The following TMLHE variants were observed in gnomAD, a reference collection of about 807,000 sequenced individuals.
The protein encoded by TMLHE is trimethyllysine dioxygenase, mitochondrial.
In TMLHE, 18 loss-of-function variants were observed where a neutral mutation model predicts 25.7. That is an observed-to-expected ratio of 0.70 (90% CI 0.48 to 1.04). TMLHE has a LOEUF of 1.04. TMLHE is among the 50% of genes least tolerant of loss of function. TMLHE has a pLI of 0.00. For synonymous variants in TMLHE, 105 were observed against 97.0 expected (o/e 1.08, Z -0.49); for missense variants, 236 against 259.0 (o/e 0.91, Z 0.61).
Position 155,504,712 on chromosome X carries a change from A to G in TMLHE, c.995+2186T>C, listed in dbSNP as rs782555522. ...ACCTTAGTGAAATGAAAATGAAAAC[A>G]TATTAAAAAAAACACTTTTACATGA... On this transcript the variant is annotated intron_variant, in intron 6 of 7. Coordinates refer to ENST00000334398, the MANE Select transcript of TMLHE (RefSeq NM_018196.4). 5.4e-5 allele frequency among the ~76,000 whole-genome samples: 6 copies of G among 111,909 alleles called. No individual in the cohort carries two copies. The South Asian group carries it at 2.2e-3, about 41-fold the overall frequency.
intron 1 of TMLHE, among the ~76,000 whole-genome samples, chrX:155,590,760 CA>C (rs1316070898): frequency 1.8e-5 from 2 of 110,351 alleles, no homozygotes; most frequent in Non-Finnish European, 3.8e-5. Flanking sequence ...CTATTTAACA[CA>C]AAAAACTAGA....
chrX:155,514,133 G>A lies in TMLHE; in HGVS notation c.491C>T (p.Ser164Leu), dbSNP rs369612445. 37 of 1,209,216 alleles carry A rather than the reference G, an allele frequency of 3.1e-5. No homozygotes were observed. Among genetic ancestry groups the A allele is most frequent in the Non-Finnish European group, 4.0e-5 (36 of 894,885 alleles). Reference sequence around the variant, plus strand: ...TTCTAAGAAGCTCTGGCAATCTACCGATGGAACTTGGGCTTGCTGGTAGAT... The same window carrying A: ...TTCTAAGAAGCTCTGGCAATCTACCAATGGAACTTGGGCTTGCTGGTAGAT... The part of the protein sequence containing the change: ...AEIYQQAQVP[S>L]VDCQSFLETN... The change falls in exon 4 of 8, where the codon TCG (serine) becomes TTG (leucine). Residue 164 changes from serine to leucine, a missense_variant. Transcript: ENST00000334398.
chrX:155,585,198 C>A (rs1252968536), intron 1 of TMLHE, among the ~76,000 whole-genome samples: 3 of 111,318 alleles, frequency 2.7e-5, no homozygotes, highest in African/African-American at 9.8e-5. Context: ...AAAACATGGT[C>A]CAACTGTATG....
chrX:155,581,108 C>T (rs1364238569), intron 1 of TMLHE, among the ~76,000 whole-genome samples: 4 of 111,447 alleles, frequency 3.6e-5, no homozygotes, highest in African/African-American at 1.3e-4. Flanking sequence ...AAAAGGCCTT[C>T]AACAAAATTC....
Position 155,566,325 on chromosome X carries a change from C to A in TMLHE, c.-1-21048G>T, listed in dbSNP as rs1359105238. Among the ~76,000 whole-genome samples the A allele has an allele frequency of 6.5e-5, 4 of 61,631 alleles. 2 individuals carry two copies. Among genetic ancestry groups the A allele is most frequent in the Non-Finnish European group, 1.8e-4 (4 of 22,013 alleles). The allele number at this position is 61,631 out of a possible 115,157, so 53.5% of individuals were successfully genotyped here. A position where few individuals can be genotyped will look rare whatever the true frequency, so the allele number is the denominator to read the frequency against. On this transcript the variant is annotated intron_variant, in intron 1 of 7. Transcript: ENST00000334398. ...CCTCCAAGGGTATACTATGTTGCCA[C>A]TAGAATCATTGTATCAAAGATATAT...
At chrX:155,548,530 ATGAGG>A (rs1312323007) in intron 1 of TMLHE, among the ~76,000 whole-genome samples, 2 of 107,998 alleles carry the variant, frequency 1.9e-5, no homozygotes, top group Non-Finnish European at 3.8e-5. Context: ...GGTCAGCAGT[ATGAGG>A]CCAGCCTGAC....
At chrX:155,513,402 C>T (rs1218242669) in intron 4 of TMLHE, among the ~76,000 whole-genome samples, 3 of 111,359 alleles carry the variant, frequency 2.7e-5, no homozygotes, top group Non-Finnish European at 5.7e-5. Flanking sequence ...GTCAGTGCCT[C>T]AGCAGTAAAA....
intron 3 of TMLHE, among the ~76,000 whole-genome samples, chrX:155,523,991 A>G (rs1361676979): frequency 8.9e-6 from 1 of 112,025 alleles, no homozygotes; most frequent in Non-Finnish European, 1.9e-5. Flanking sequence ...TTGTGTGTTG[A>G]TCTTGTGTCC....
At position 155,563,247 on chromosome X, in the gene TMLHE, G is replaced by A. The variant is rs1239737411; in HGVS notation, c.-1-17970C>T. ...GTTCTGCATGGCTGCAAGGCCTCAT[G>A]AAACTTAAAATTATGGCAGAAGGTA... is the stretch of plus-strand genomic sequence containing the variant. On this transcript the variant is annotated intron_variant, in intron 1 of 7. Transcript: ENST00000334398. Among the ~76,000 whole-genome samples, 27 of 62,762 alleles carry A rather than the reference G, an allele frequency of 4.3e-4. 4 individuals are homozygous for A. Among genetic ancestry groups the A allele is most frequent in the Admixed American group, 1.1e-3 (6 of 5,379 alleles). The allele number at this position is 62,762 out of a possible 115,157, so 54.5% of individuals were successfully genotyped here.
At position 155,514,077 on chromosome X, in the gene TMLHE, T is replaced by G; in HGVS notation, c.547A>C (p.Asn183His). ...TNEGLKKFLQ[N>H]FLLYGIAFVE... ...AATGCAATTCCATAGAGCAGAAAGT[T>G]TTGCAGAAACTTCTTCAGTCCCTCG... The change falls in exon 4 of 8, where the codon AAC (asparagine) becomes CAC (histidine). Residue 183 changes from asparagine (N) to histidine (H), a missense_variant. This residue lies in a region of TMLHE where 217 missense variants were observed against 214.6 expected (regional missense o/e 1.01). Transcript: ENST00000334398. 2 of 1,211,237 alleles carry G rather than the reference T, an allele frequency of 1.7e-6. No individual in the cohort carries two copies. The highest frequency in any genetic ancestry group is 2.2e-6 in the Non-Finnish European group (2 of 895,167).
chrX:155,509,269 C>T (rs1557333090), intron 5 of TMLHE, among the ~76,000 whole-genome samples: 1 of 111,270 alleles, frequency 9.0e-6, no homozygotes, highest in Non-Finnish European at 1.9e-5. Flanking sequence ...CTTAGCAATG[C>T]TAATGGATAG....
chrX:155,535,888 A>G (rs1463079779), intron 2 of TMLHE, among the ~76,000 whole-genome samples: 3 of 112,154 alleles, frequency 2.7e-5, no homozygotes, highest in Non-Finnish European at 5.6e-5. Flanking sequence ...TAACCTCTGT[A>G]GCATCTTTTG....
At chrX:155,580,415 G>T (rs1410669895) in intron 1 of TMLHE, among the ~76,000 whole-genome samples, 2 of 111,752 alleles carry the variant, frequency 1.8e-5, no homozygotes, top group Admixed American at 1.9e-4. Flanking sequence ...AACCTCTACA[G>T]TATGGAGATT....
At chrX:155,553,829 TTATTC>T (rs1187074944) in intron 1 of TMLHE, among the ~76,000 whole-genome samples, 4 of 110,619 alleles carry the variant, frequency 3.6e-5, no homozygotes, top group African/African-American at 1.3e-4. Context: ...TTTTTAGTGA[TTATTC>T]TATGAATAAT....
intron 4 of TMLHE, 114 bp from the exon 5 acceptor site, chrX:155,511,906 G>T: frequency 1.2e-6 from 1 of 824,585 alleles, no homozygotes; most frequent in Non-Finnish European, 1.6e-6. Flanking sequence ...AGATTTTTTT[G>T]GTTCCAGAAT....
At chrX:155,514,310 T>C (rs1416160935) in intron 3 of TMLHE, 45 bp from the exon 4 acceptor site, 2 of 1,117,376 alleles carry the variant, frequency 1.8e-6, no homozygotes, top group Non-Finnish European at 1.2e-6. Context: ...TTACAAATAA[T>C]GTCAATATTT....
At chrX:155,524,357 A>G (rs1245441259) in intron 3 of TMLHE, 99 bp downstream of exon 3, 1 of 726,893 alleles carries the variant, frequency 1.4e-6, no homozygotes, top group Non-Finnish European at 1.9e-6. Flanking sequence ...AAGAAAAGTA[A>G]GTAATAACCT....
intron 1 of TMLHE, among the ~76,000 whole-genome samples, chrX:155,548,488 C>T (rs1569562072): frequency 1.8e-5 from 2 of 108,897 alleles, no homozygotes; most frequent in African/African-American, 7.1e-5. Context: ...GAAATCCCAG[C>T]ACTTTGGGAG....
intron 1 of TMLHE, among the ~76,000 whole-genome samples, chrX:155,577,247 T>G (rs2067596365): frequency 9.0e-6 from 1 of 111,726 alleles, no homozygotes; most frequent in African/African-American, 3.3e-5. Context: ...AACAAGCACA[T>G]AAAAAAGTGC....
Sources: gnomAD v4.1 joint callset for allele counts (sites outside exome capture counted in the v4.1 genomes callset) on GRCh38, gnomAD v4.1.1 for gene constraint, gnomAD v4.1.1 regional missense constraint, MANE v1.5 for transcripts, NCBI Gene and HGNC (gene_info 2026-07-23, HGNC 2026-07-21) for gene names.